Variants in MYOM3 observed in about 807,000 individuals in gnomAD.
MYOM3 encodes the protein myomesin-3.
MYOM3 carries 155 observed loss-of-function variants against 191.7 expected under a neutral mutation model. The ratio of observed to expected loss-of-function variants is 0.81; its 90% CI spans 0.71 to 0.92. The LOEUF (loss-of-function observed/expected upper bound fraction) is 0.92, where lower values mean the gene tolerates loss of function less well. Among genes scored for constraint, MYOM3 ranks in the 40% least tolerant of loss-of-function variants. The probability of loss-of-function intolerance (pLI) is 0.00; values close to 1 mark genes in which losing one functional copy is unlikely to be tolerated. For synonymous variants in MYOM3, 757 were observed against 762.9 expected, an observed-to-expected ratio of 0.99 and a Z score of 0.13; for missense variants, 1,889 against 1,890.6, an observed-to-expected ratio of 1.00 and a Z score of 0.02.
At chr1:24,073,646 C>T (rs954852375) in intron 23 of MYOM3, among the ~76,000 whole-genome samples, 7 of 151,940 alleles carry the variant, frequency 4.6e-5, no homozygotes, top group Admixed American at 3.3e-4. Context: ...GGGCGGATCA[C>T]GAGGTCAGGA....
At chr1:24,067,375 TC>T (rs1222356814) in intron 27 of MYOM3, among the ~76,000 whole-genome samples, 5 of 110,980 alleles carry the variant, frequency 4.5e-5, no homozygotes, top group Admixed American at 2.9e-4. Flanking sequence ...TTTCTTTCCT[TC>T]TTTCTTTCTT....
At chr1:24,077,747 G>GA (rs2148549181) in intron 20 of MYOM3, among the ~76,000 whole-genome samples, 1 of 152,316 alleles carries the variant, frequency 6.6e-6, no homozygotes, top group Admixed American at 6.5e-5. Context: ...ATGTTTAGCC[G>GA]GTGGCTGACT....
At chr1:24,067,863 C>T (rs758253374) in intron 27 of MYOM3, 107 bp downstream of exon 27, 29 of 1,073,568 alleles carry the variant, frequency 2.7e-5, no homozygotes, top group Non-Finnish European at 3.7e-5. Context: ...GACAGTGGAC[C>T]TCCCTTGGGG....
At chr1:24,072,061 T>G in intron 23 of MYOM3, 48 bp from the exon 24 acceptor site, 14 of 1,548,410 alleles carry the variant, frequency 9.0e-6, no homozygotes, top group Non-Finnish European at 1.2e-5. Flanking sequence ...TGAAATATCC[T>G]GGTCGGGGGT....
chr1:24,079,171 C>A (rs1363392383), intron 20 of MYOM3, among the ~76,000 whole-genome samples: 2 of 152,042 alleles, frequency 1.3e-5, no homozygotes, highest in South Asian at 2.1e-4. Context: ...GGATGGATAT[C>A]TTTTTGTGTC....
At chr1:24,075,199 A>C in intron 22 of MYOM3, 120 bp downstream of exon 22, 10 of 913,584 alleles carry the variant, frequency 1.1e-5, no homozygotes, top group East Asian at 2.6e-5. Flanking sequence ...AAGACTGAGC[A>C]GCGCCTTTCA....
In MYOM3 at chr1:24,106,015, C is replaced by A. The variant is rs769486977; in HGVS notation, c.465G>T (p.Trp155Cys). 6.2e-7 allele frequency: 1 copy of A among 1,613,966 alleles called. No individual in the cohort carries two copies. The highest frequency in any genetic ancestry group is 1.1e-5 in the South Asian group (1 of 91,068). The change falls in exon 5 of 37, where the codon TGG (tryptophan) becomes TGT (cysteine). Residue 155 changes from tryptophan (W) to cysteine (C), a missense_variant. Coordinates refer to ENST00000374434, the MANE Select transcript of MYOM3 (RefSeq NM_152372.4). ...CGTGGGAGCGAAGAGGGATCCAGAA[C>A]CAGGGCCCGCGGCCGTAGCACAGCT... ...LRELCYGRGP[W>C]FWIPLRSHAV...
In MYOM3 at chr1:24,071,125, T is replaced by C. The variant is rs374352138; in HGVS notation, c.3142A>G (p.Ser1048Gly). 10 of 1,613,808 alleles carry C rather than the reference T, an allele frequency of 6.2e-6. No homozygotes were observed. The highest frequency in any genetic ancestry group is 8.5e-6 in the Non-Finnish European group (10 of 1,179,834). Residue 1048 changes from serine to glycine, a missense_variant, in exon 25 of 37, where the codon AGC becomes GGC. By Grantham distance (56) the Ser-to-Gly change is moderately conservative. Transcript: ENST00000374434. The part of the protein sequence containing the change: ...HLIFNNKEIF[S>G]SPNRKINFDR... ...TGTGAGCACCCAATTACCGGCGAGC[T>C]GAAGATCTCCTTGTTGTTGAAGATT...
At chr1:24,067,943 T>A (rs1643473740) in intron 27 of MYOM3, 27 bp downstream of exon 27, 1 of 1,611,742 alleles carries the variant, frequency 6.2e-7, no homozygotes, top group African/African-American at 1.3e-5. Flanking sequence ...GGCCAGGGAT[T>A]TTGAACTTCA....
At position 24,089,561 on chromosome 1, in the gene MYOM3, G is replaced by A. The variant is rs1477185539; in HGVS notation, c.1591C>T (p.Pro531Ser). 1 of 1,602,142 alleles carries A rather than the reference G, an allele frequency of 6.2e-7. No individual in the cohort carries two copies. Among genetic ancestry groups the A allele is most frequent in the South Asian group, 1.1e-5 (1 of 88,608 alleles). Residue 531 changes from proline (P) to serine (S), a missense_variant, in exon 14 of 37, where the codon CCA becomes TCA. Physicochemically the swap from Pro to Ser is moderately conservative, Grantham distance 74 (BLOSUM62 -1). Coordinates refer to ENST00000374434, the MANE Select transcript of MYOM3 (RefSeq NM_152372.4). ...ACCTTCTCCAGGGAGTACGTCAGTG[G>A]TGCTCTGTCCCGGGGGCTGGGCTCC... is the stretch of plus-strand genomic sequence containing the variant. ...WEEPSPRDRAPLTYSLEKSVI... is the reference protein window; with the variant it reads ...WEEPSPRDRASLTYSLEKSVI...
At chr1:24,095,084 C>T (rs1042262111) in intron 8 of MYOM3, 94 bp from the exon 9 acceptor site, 5 of 1,354,372 alleles carry the variant, frequency 3.7e-6, no homozygotes, top group African/African-American at 1.4e-5. Flanking sequence ...CATCCCTTCT[C>T]TTCTGGGTCT....
Position 24,074,343 on chromosome 1 carries a change from G to A in MYOM3, c.2859-74C>T, listed in dbSNP as rs1000306072. ...GTGCACTAGAGGCCTGGGAGCCAGGGAGTCCAGGTTGCTTCTGGTGAGCCT... is the reference window on the plus strand; with the variant it reads ...GTGCACTAGAGGCCTGGGAGCCAGGAAGTCCAGGTTGCTTCTGGTGAGCCT... On this transcript the variant is annotated intron_variant, in intron 22 of 36. Transcript: ENST00000374434. The A allele has an allele frequency of 9.4e-6, 11 of 1,174,490 alleles. No individual in the cohort carries two copies. In the Admixed American group the frequency reaches 1.5e-4, roughly 16 times the overall value. The allele number at this position is 1,174,490 out of a possible 1,614,324, so 72.8% of individuals were successfully genotyped here.
intron 23 of MYOM3, 57 bp downstream of exon 23, chr1:24,074,103 T>G: frequency 7.8e-6 from 11 of 1,414,402 alleles, no homozygotes; most frequent in Non-Finnish European, 9.9e-6. Context: ...TGTGTGGGCA[T>G]TTGTGTTTGG....
At chr1:24,091,117 AG>A in intron 11 of MYOM3, 121 bp from the exon 12 acceptor site, 1 of 1,162,694 alleles carries the variant, frequency 8.6e-7, no homozygotes. Flanking sequence ...TGCCAATTAA[AG>A]TTCTTCTCTC....
At chr1:24,105,875 T>G (rs890368222) in intron 5 of MYOM3, 45 bp downstream of exon 5, 1 of 1,547,116 alleles carries the variant, frequency 6.5e-7, no homozygotes, top group Non-Finnish European at 8.7e-7. Context: ...GGAACTCACT[T>G]GTGACCCCAG....
Position 24,069,415 on chromosome 1 carries a change from A to T in MYOM3, c.3151-1048T>A, listed in dbSNP as rs181637281. Among the ~76,000 whole-genome samples the T allele has an allele frequency of 1.9e-3, 284 of 152,304 alleles. 5 individuals carry two copies. In the South Asian group the frequency reaches 0.045, roughly 24 times the overall value. Reference sequence around the variant, plus strand: ...TGGGACAACCAGCCCCATTGCACAGATGGAGAAACACAGGCACAGACAGGT... The same window carrying T: ...TGGGACAACCAGCCCCATTGCACAGTTGGAGAAACACAGGCACAGACAGGT... On this transcript the variant is annotated intron_variant, in intron 25 of 36. Coordinates refer to ENST00000374434, the MANE Select transcript of MYOM3 (RefSeq NM_152372.4).
At chr1:24,095,547 T>C (rs978039516) in intron 7 of MYOM3, 61 bp from the exon 8 acceptor site, 9 of 1,486,406 alleles carry the variant, frequency 6.1e-6, no homozygotes, top group Non-Finnish European at 8.4e-6. Context: ...CTATGCTATT[T>C]TGGGGACATG....
chr1:24,090,478 A>G (rs1208058995), intron 12 of MYOM3, among the ~76,000 whole-genome samples: 1 of 152,180 alleles, frequency 6.6e-6, no homozygotes, highest in Non-Finnish European at 1.5e-5. Flanking sequence ...GCTTAAGGAC[A>G]TCTGACAGGT....
chr1:24,080,991 C>T (rs889014046), intron 19 of MYOM3, among the ~76,000 whole-genome samples: 1 of 152,172 alleles, frequency 6.6e-6, no homozygotes, highest in African/African-American at 2.4e-5. Context: ...CTGAAAGTCT[C>T]AGGCAAACCA....
Sources: allele counts gnomAD v4.1 joint callset (sites outside exome capture counted in the v4.1 genomes callset), GRCh38; gene constraint gnomAD v4.1.1; transcripts MANE v1.5; gene names NCBI Gene and HGNC (gene_info 2026-07-23, HGNC 2026-07-21).